The following U2SURP variants were observed in gnomAD, a reference collection of about 807,000 sequenced individuals.
The protein encoded by U2SURP is U2 snRNP associated SURP domain containing.
U2SURP carries 9 observed loss-of-function variants against 144.9 expected under a neutral mutation model. The observed-to-expected ratio is 0.06, with a 90% CI of 0.04 to 0.11. The LOEUF is 0.11. Among genes scored for constraint, U2SURP ranks in the 10% least tolerant of loss-of-function variants. The probability of loss-of-function intolerance (pLI) is 1.00; values close to 1 mark genes in which losing one functional copy is unlikely to be tolerated. For missense variants in U2SURP, 724 were observed against 1,226.7 expected (o/e 0.59, Z 6.12); for synonymous variants, 408 against 396.8 (o/e 1.03, Z -0.33).
chr3:143,004,716 G>C (rs1189620861), intron 1 of U2SURP, among the ~76,000 whole-genome samples: 1 of 152,020 alleles, frequency 6.6e-6, no homozygotes, highest in African/African-American at 2.4e-5. Context: ...CCCTAATGAA[G>C]AGACCCCTGT....
chr3:143,059,276 A>G lies in U2SURP; in HGVS notation c.*2826A>G, dbSNP rs1301542968. 1.1e-4 allele frequency: 17 copies of G among 152,394 alleles called. No individual in the cohort carries two copies. The highest frequency in any genetic ancestry group is 1.1e-3 in the Admixed American group (17 of 15,248). The allele number at this position is 152,394 out of a possible 1,614,324, so 9.4% of individuals were successfully genotyped here. A position where few individuals can be genotyped will look rare whatever the true frequency, so the allele number is the denominator to read the frequency against. On this transcript the variant is annotated 3_prime_UTR_variant, in exon 28 of 28. Coordinates refer to ENST00000473835, the MANE Select transcript of U2SURP (RefSeq NM_001080415.2). ...TTTTGGCTTTTCTGCTAAAGATGGC[A>G]GAAATTACTCTACACAGACCTGATT...
intron 1 of U2SURP, among the ~76,000 whole-genome samples, chr3:143,009,029 T>C (rs971305596): frequency 5.3e-5 from 8 of 152,230 alleles, no homozygotes; most frequent in South Asian, 4.1e-4. Flanking sequence ...CGTGAGCCAC[T>C]GCACCTGGCC....
At chr3:143,003,685 T>C (rs1010358365) in intron 1 of U2SURP, among the ~76,000 whole-genome samples, 3 of 63,426 alleles carry the variant, frequency 4.7e-5, no homozygotes, top group African/African-American at 1.2e-4. Context: ...TTCTTTTTTT[T>C]TTTTTTTTTT....
At chr3:143,007,238 TC>T (rs1189881008) in intron 1 of U2SURP, among the ~76,000 whole-genome samples, 1 of 152,166 alleles carries the variant, frequency 6.6e-6, no homozygotes, top group Non-Finnish European at 1.5e-5. Context: ...GTGTCAAACT[TC>T]CCTTAGTCTG....
chr3:143,013,581 A>G (rs1428981413), intron 3 of U2SURP, among the ~76,000 whole-genome samples: 3 of 152,002 alleles, frequency 2.0e-5, no homozygotes, highest in Non-Finnish European at 2.9e-5. Context: ...AACATTTCCT[A>G]CCTTTTAAGT....
Position 143,043,138 on chromosome 3 carries a change from T to A in U2SURP, c.2406T>A (p.Asp802Glu). ...ENQNQEEESE[D>E]EEDTQSSKSE... ...AAAGTCAAGAAGAAGAAAGTGAAGA[T>A]GAAGAAGATACTCAAAGTTCCAAAT... The change falls in exon 24 of 28, where the codon GAT becomes GAA. Residue 802 changes from aspartate (D) to glutamate (E), a missense_variant. Asp to Glu is a conservative substitution (Grantham distance 45). Coordinates refer to ENST00000473835, the MANE Select transcript of U2SURP (RefSeq NM_001080415.2). 6 of 1,604,186 alleles carry A rather than the reference T, an allele frequency of 3.7e-6. No individual in the cohort carries two copies. The highest frequency in any genetic ancestry group is 5.1e-6 in the Non-Finnish European group (6 of 1,175,656).
intron 2 of U2SURP, 146 bp downstream of exon 2, chr3:143,011,005 T>A: frequency 5.1e-6 from 1 of 195,582 alleles, no homozygotes; most frequent in South Asian, 1.3e-4. Flanking sequence ...GGCGCCTTCC[T>A]TTTTTTTTTT....
intron 1 of U2SURP, among the ~76,000 whole-genome samples, chr3:143,008,989 C>T (rs995859778): frequency 6.6e-6 from 1 of 152,170 alleles, no homozygotes; most frequent in Non-Finnish European, 1.5e-5. Context: ...ATCCACCCGC[C>T]TCGGCCTCCC....
At chr3:143,019,561 T>C (rs369877012) in intron 6 of U2SURP, among the ~76,000 whole-genome samples, 2 of 152,342 alleles carry the variant, frequency 1.3e-5, no homozygotes, top group African/African-American at 4.8e-5. Context: ...TAAATTATGT[T>C]GGCACTTCTA....
chr3:143,024,031 C>T lies in U2SURP; in HGVS notation c.1274+13C>T. 1.9e-6 allele frequency: 3 copies of T among 1,609,746 alleles called. No homozygotes were observed. Among genetic ancestry groups the T allele is most frequent in the Non-Finnish European group, 1.7e-6 (2 of 1,176,332 alleles). On this transcript the variant is annotated intron_variant, in intron 13 of 27. Transcript: ENST00000473835. ...TCCCAACAGAAAGGTACATGTTTTT[C>T]TTTATTATTACTGATCTAAATATAG...
At position 143,060,372 on chromosome 3, in the gene U2SURP, A is replaced by T. The variant is rs544490874; in HGVS notation, c.*3922A>T. 2 of 152,094 alleles carry T rather than the reference A, an allele frequency of 1.3e-5. No individual in the cohort carries two copies. Among genetic ancestry groups the T allele is most frequent in the South Asian group, 4.1e-4 (2 of 4,826 alleles). 9.4% of individuals were successfully genotyped at this position (152,094 alleles called of 1,614,324 possible). On this transcript the variant is annotated 3_prime_UTR_variant, in exon 28 of 28. Transcript: ENST00000473835. ...TTCTTTTGGGTGAACTGATTCTATA[A>T]TTTACTTACTTTTAATGTAAGGATT...
rs75022466 is a variant in U2SURP, at chr3:143,055,664, C to T, written c.2951+545C>T. Among the ~76,000 whole-genome samples, 137 of 152,056 alleles carry T rather than the reference C, an allele frequency of 9.0e-4. 1 individual carries two copies. The East Asian group carries it at 0.025, about 27-fold the overall frequency. On this transcript the variant is annotated intron_variant, in intron 27 of 27. Transcript: ENST00000473835. ...CTGAGAGCTAAAACTGCTTTGTATG[C>T]TAATACTTTATTATTGTAACTATTT... is the stretch of plus-strand genomic sequence containing the variant.
In U2SURP at chr3:143,045,400, T is replaced by C. The variant is rs1394873102; in HGVS notation, c.2544+2124T>C. ...AAAAAAAAAAAAAAAGAGCACTCCC[T>C]TTCTGACCTGATGAAAACTGTTGGA... On this transcript the variant is annotated intron_variant, in intron 24 of 27. Transcript: ENST00000473835. Among the ~76,000 whole-genome samples, 80 of 150,882 alleles carry C rather than the reference T, an allele frequency of 5.3e-4. 1 individual carries two copies. The highest frequency in any genetic ancestry group is 5.2e-3 in the Admixed American group (79 of 15,118).
chr3:143,019,847 TTTTAA>T (rs990248591), intron 6 of U2SURP, 117 bp from the exon 7 acceptor site: 1 of 446,496 alleles, frequency 2.2e-6, no homozygotes, highest in African/African-American at 2.0e-5. Flanking sequence ...CATTCTTCCT[TTTTAA>T]TTTAAATAAT....
intron 2 of U2SURP, among the ~76,000 whole-genome samples, chr3:143,011,139 CTA>C (rs1936105135): frequency 6.6e-6 from 1 of 151,916 alleles, no homozygotes; most frequent in Non-Finnish European, 1.5e-5. Flanking sequence ...TATACTTTGA[CTA>C]TGGGATTGCA....
intron 17 of U2SURP, 143 bp from the exon 18 acceptor site, chr3:143,033,128 G>T: frequency 1.2e-6 from 1 of 841,236 alleles, no homozygotes. Flanking sequence ...ATGTAAATGG[G>T]TTAACAAATT....
Position 143,040,330 on chromosome 3 carries a change from T to G in U2SURP, c.2384+1370T>G, listed in dbSNP as rs112903309. On this transcript the variant is annotated intron_variant, in intron 23 of 27. Transcript: ENST00000473835. ...GATCACTAGAAGTATAATTTTAGAT[T>G]TTTCATTTTTCTTAGGAATTTCAGG... Among the ~76,000 whole-genome samples, 244 of 151,944 alleles carry G rather than the reference T, an allele frequency of 1.6e-3. 1 individual carries two copies. The highest frequency in any genetic ancestry group is 5.6e-3 in the African/African-American group (233 of 41,548).
chr3:143,026,778 C>T lies in U2SURP; in HGVS notation c.1275-371C>T, dbSNP rs145294788. 1,368 of 154,602 alleles carry T rather than the reference C, an allele frequency of 8.8e-3. 14 individuals carry two copies. Among genetic ancestry groups the T allele is most frequent in the African/African-American group, 0.031 (1,281 of 41,456 alleles). 9.6% of individuals were successfully genotyped at this position (154,602 alleles called of 1,614,324 possible). Reference sequence around the variant, plus strand: ...GTAAATTTCTAGATGGCTGTAATAACATGCAGGCTCTAAGTTACTGATTTT... The same window carrying T: ...GTAAATTTCTAGATGGCTGTAATAATATGCAGGCTCTAAGTTACTGATTTT... On this transcript the variant is annotated intron_variant, in intron 13 of 27. Transcript: ENST00000473835.
rs772452149 is a variant in U2SURP, at chr3:143,010,884, CTT to C, written c.90+30_90+31del. 12 of 1,580,604 alleles carry C rather than the reference CTT, an allele frequency of 7.6e-6. 1 individual carries two copies. The South Asian group carries it at 1.2e-4, about 15-fold the overall frequency. ...TGTGAGTATAGAAGGCAATCTTTGT[CTT>C]TTTTCCTTTAAAATTTAACTTCTCC... On this transcript the variant is annotated intron_variant, in intron 2 of 27. Transcript: ENST00000473835.
Sources: allele counts gnomAD v4.1 joint callset (sites outside exome capture counted in the v4.1 genomes callset), GRCh38; gene constraint gnomAD v4.1.1; transcripts MANE v1.5; gene names NCBI Gene and HGNC (gene_info 2026-07-23, HGNC 2026-07-21).